SYT9: variants seen among roughly 807,000 people sequenced by gnomAD.
SYT9 encodes synaptotagmin 9, also known as synaptotagmin-9.
A neutral mutation model predicts 48.4 loss-of-function variants in SYT9; 22 were observed. The observed-to-expected ratio is 0.45, with a 90% CI of 0.32 to 0.65. SYT9 has a LOEUF of 0.65. SYT9 is among the 30% of genes least tolerant of loss of function. SYT9 has a pLI of 0.03. For missense variants in SYT9, 577 were observed against 622.0 expected (o/e 0.93, Z 0.77); for synonymous variants, 265 against 245.0 (o/e 1.08, Z -0.76).
At chr11:7,438,896 G>C (rs1243356623) in intron 6 of SYT9, 3 of 152,280 alleles carry the variant, frequency 2.0e-5, no homozygotes, top group African/African-American at 7.2e-5. Flanking sequence ...ATTAGATACA[G>C]AAGCTTTTTC....
At chr11:7,425,855 T>C (rs1329115823) in intron 6 of SYT9, among the ~76,000 whole-genome samples, 1 of 151,782 alleles carries the variant, frequency 6.6e-6, no homozygotes, top group Non-Finnish European at 1.5e-5. Context: ...GATGAGGTGC[T>C]CCCCCCCAAT....
rs145263188 is a variant in SYT9, at chr11:7,315,507, T to C, written c.1044+1566T>C. 7.6e-3 allele frequency among the ~76,000 whole-genome samples: 1,155 copies of C among 152,330 alleles called. 13 individuals are homozygous for C. The highest frequency in any genetic ancestry group is 0.023 in the African/African-American group (974 of 41,570). On this transcript the variant is annotated intron_variant, in intron 3 of 6. Coordinates refer to ENST00000318881, the MANE Select transcript of SYT9 (RefSeq NM_175733.4). The stretch of plus-strand genomic sequence containing the variant: ...CTCAGGTATGGTAGGGAGGTGTTGG[T>C]CACACCATCTAATGAGACATCAATT...
At chr11:7,334,077 GC>G (rs1361012441) in intron 3 of SYT9, among the ~76,000 whole-genome samples, 3 of 152,172 alleles carry the variant, frequency 2.0e-5, no homozygotes, top group Non-Finnish European at 4.4e-5. Flanking sequence ...TTAGGCATTT[GC>G]CTGAAGAAGG....
At chr11:7,418,782 T>C (rs1319479639) in intron 5 of SYT9, among the ~76,000 whole-genome samples, 1 of 152,186 alleles carries the variant, frequency 6.6e-6, no homozygotes, top group African/African-American at 2.4e-5. Context: ...AAAGGACAGA[T>C]TTGAAAAACA....
At chr11:7,325,006 G>C (rs1166927683) in intron 3 of SYT9, among the ~76,000 whole-genome samples, 1 of 151,994 alleles carries the variant, frequency 6.6e-6, no homozygotes, top group Admixed American at 6.6e-5. Context: ...GTAAAAATAT[G>C]ATATTAGTAC....
At position 7,252,095 on chromosome 11, in the gene SYT9, G is replaced by T. The variant is rs1486516528; in HGVS notation, c.-92G>T. 7.8e-7 allele frequency: 1 copy of T among 1,288,324 alleles called. No homozygotes were observed. Among genetic ancestry groups the T allele is most frequent in the Non-Finnish European group, 9.9e-7 (1 of 1,011,262 alleles). 79.8% of individuals were successfully genotyped at this position (1,288,324 alleles called of 1,614,324 possible). ...TCGGCAGGTCCCTGGCGGTGAGCGC[G>T]GACGGCCCGGAGGCGGCGGCTCTGA... On this transcript the variant is annotated 5_prime_UTR_variant, in exon 1 of 7. Coordinates refer to ENST00000318881, the MANE Select transcript of SYT9 (RefSeq NM_175733.4). This position sits in a 1 kb window ranked among gnomAD's most constrained non-coding sequence, Gnocchi z 6.3.
chr11:7,363,157 AT>A (rs1234904667), intron 3 of SYT9, among the ~76,000 whole-genome samples: 6 of 150,190 alleles, frequency 4.0e-5, no homozygotes, highest in East Asian at 1.9e-4. Context: ...TTCTCTGCTA[AT>A]TTTTTTTTCA....
rs531833372 is a variant in SYT9, at chr11:7,297,019, T to G, written c.146-6020T>G. ...AGCCCTCCCCCTGACACACACACAA[T>G]CATCTGAGGATCAGGAAAATGTCTT... On this transcript the variant is annotated intron_variant, in intron 1 of 6. Coordinates refer to ENST00000318881, the MANE Select transcript of SYT9 (RefSeq NM_175733.4). 1.3e-4 allele frequency among the ~76,000 whole-genome samples: 19 copies of G among 151,088 alleles called. No homozygotes were observed. The Admixed American group carries it at 1.3e-3, about 10-fold the overall frequency.
chr11:7,290,965 C>T (rs1427411025), intron 1 of SYT9, among the ~76,000 whole-genome samples: 2 of 152,166 alleles, frequency 1.3e-5, no homozygotes, highest in Non-Finnish European at 2.9e-5. Context: ...TAGTGCAATA[C>T]TCCAGGGCTA....
intron 1 of SYT9, among the ~76,000 whole-genome samples, chr11:7,297,085 TGA>T (rs1179867342): frequency 8.1e-5 from 8 of 99,150 alleles, no homozygotes; most frequent in South Asian, 3.0e-4. Flanking sequence ...TGTGTGTGTG[TGA>T]GAGAGAGAGA....
At chr11:7,450,171 T>A (rs1346071957) in intron 6 of SYT9, among the ~76,000 whole-genome samples, 1 of 152,226 alleles carries the variant, frequency 6.6e-6, no homozygotes. Flanking sequence ...GAGGCTTAAC[T>A]AATTTATCCA....
At chr11:7,294,336 C>T (rs1229539898) in intron 1 of SYT9, among the ~76,000 whole-genome samples, 1 of 152,148 alleles carries the variant, frequency 6.6e-6, no homozygotes, top group East Asian at 1.9e-4. Flanking sequence ...CATTACATCC[C>T]TAAAGCCCCA....
In SYT9 at chr11:7,252,529, A is replaced by C. The variant is rs1239020913; in HGVS notation, c.145+198A>C. ...CGGGGACCCGGGCGGTGGCTACTGC[A>C]CGGAGGCCGACTCCGGGTCGGCTAG... On this transcript the variant is annotated intron_variant, in intron 1 of 6. Coordinates refer to ENST00000318881, the MANE Select transcript of SYT9 (RefSeq NM_175733.4). The surrounding 1 kb of genome is among the most constrained non-coding windows in gnomAD (Gnocchi z 6.3). Among the ~76,000 whole-genome samples, 1 of 152,046 alleles carries C rather than the reference A, an allele frequency of 6.6e-6. No homozygotes were observed. The highest frequency in any genetic ancestry group is 2.4e-5 in the African/African-American group (1 of 41,406).
chr11:7,434,259 C>T lies in SYT9; in HGVS notation c.1467+13624C>T, dbSNP rs180685747. 3.9e-4 allele frequency among the ~76,000 whole-genome samples: 59 copies of T among 152,208 alleles called. No individual in the cohort carries two copies. The East Asian group carries it at 9.8e-3, about 25-fold the overall frequency. ...TGGGCTGGGTAGTCCTCAAAGACTC[C>T]CATGTGGTTCAAGATAACAAAATAT... On this transcript the variant is annotated intron_variant, in intron 6 of 6. Coordinates refer to ENST00000318881, the MANE Select transcript of SYT9 (RefSeq NM_175733.4).
chr11:7,431,218 T>C (rs1847563774), intron 6 of SYT9, among the ~76,000 whole-genome samples: 1 of 152,192 alleles, frequency 6.6e-6, no homozygotes, highest in Non-Finnish European at 1.5e-5. Flanking sequence ...TGTTATGCTT[T>C]AGCAAAGAAC....
Position 7,332,940 on chromosome 11 carries a change from G to A in SYT9, c.1044+18999G>A, listed in dbSNP as rs953485756. Among the ~76,000 whole-genome samples, 4 of 152,354 alleles carry A rather than the reference G, an allele frequency of 2.6e-5. No homozygotes were observed. In the East Asian group the frequency reaches 5.8e-4, roughly 22 times the overall value. ...CTACATTTAATGGTCTTCTACCTAT[G>A]GAAGTATTACTATCCAAAATAGTGA... is the stretch of plus-strand genomic sequence containing the variant. On this transcript the variant is annotated intron_variant, in intron 3 of 6. Coordinates refer to ENST00000318881, the MANE Select transcript of SYT9 (RefSeq NM_175733.4).
intron 6 of SYT9, among the ~76,000 whole-genome samples, chr11:7,443,779 C>A (rs1355454698): frequency 6.6e-6 from 1 of 152,218 alleles, no homozygotes; most frequent in Non-Finnish European, 1.5e-5. Context: ...CCATTGTATA[C>A]CCAATCCTTC....
chr11:7,320,314 C>G (rs1849315567), intron 3 of SYT9, among the ~76,000 whole-genome samples: 1 of 152,160 alleles, frequency 6.6e-6, no homozygotes, highest in Non-Finnish European at 1.5e-5. Flanking sequence ...TGGCTAACTC[C>G]CACTAAGCTC....
chr11:7,257,088 T>C (rs1847985764), intron 1 of SYT9, among the ~76,000 whole-genome samples: 1 of 152,180 alleles, frequency 6.6e-6, no homozygotes, highest in South Asian at 2.1e-4. Flanking sequence ...CTGGTATCAG[T>C]ATTTTTAAAG....
Sources: gnomAD v4.1 joint callset for allele counts (sites outside exome capture counted in the v4.1 genomes callset) on GRCh38, gnomAD v4.1.1 for gene constraint, Gnocchi (gnomAD v3.1) non-coding constraint, MANE v1.5 for transcripts, NCBI Gene and HGNC (gene_info 2026-07-23, HGNC 2026-07-21) for gene names.